The following ZBTB46 variants were observed in gnomAD, a reference collection of about 807,000 sequenced individuals.
ZBTB46 encodes zinc finger and BTB domain containing 46.
A neutral mutation model predicts 44.1 loss-of-function variants in ZBTB46; 8 were observed. That is an observed-to-expected ratio of 0.18 (90% CI 0.11 to 0.33). The LOEUF (loss-of-function observed/expected upper bound fraction) is 0.33, where lower values mean the gene tolerates loss of function less well. Among genes scored for constraint, ZBTB46 ranks in the 10% least tolerant of loss-of-function variants. The pLI is 1.00. For missense variants in ZBTB46, 651 were observed against 847.7 expected, an observed-to-expected ratio of 0.77 and a Z score of 2.88; for synonymous variants, 409 against 382.3, an observed-to-expected ratio of 1.07 and a Z score of -0.81.
chr20:63,753,341 T>C (rs952171150), intron 3 of ZBTB46, among the ~76,000 whole-genome samples: 1 of 152,150 alleles, frequency 6.6e-6, no homozygotes, highest in African/African-American at 2.4e-5. Context: ...AAATGGGAGA[T>C]GTGGGTGCAA....
chr20:63,758,579 C>A (rs138126070), intron 3 of ZBTB46, among the ~76,000 whole-genome samples: 90 of 152,176 alleles, frequency 5.9e-4, no homozygotes, highest in African/African-American at 2.1e-3. Flanking sequence ...TCCCCAGGTG[C>A]CCTTAGATCC....
In ZBTB46 at chr20:63,803,380, A is replaced by C; in HGVS notation, c.-33-12590T>G. ...TTCAAAATTTTTAAGTGAGCTCCTG[A>C]CTAGAAAACACTCCAAGACATGTTA... On this transcript the variant is annotated intron_variant, in intron 1 of 4. Coordinates refer to ENST00000245663, the MANE Select transcript of ZBTB46 (RefSeq NM_001369741.1). This position sits in a 1 kb window ranked among gnomAD's most constrained non-coding sequence, Gnocchi z 4.0. 2.0e-6 allele frequency: 2 copies of C among 985,484 alleles called. No homozygotes were observed. Among genetic ancestry groups the C allele is most frequent in the Non-Finnish European group, 2.4e-6 (2 of 829,952 alleles). 61.0% of individuals were successfully genotyped at this position (985,484 alleles called of 1,614,324 possible).
In ZBTB46 at chr20:63,790,581, G is replaced by C; in HGVS notation, c.177C>G (p.Leu59=). The change falls in exon 2 of 5, where the codon CTC becomes CTG. Residue 59 remains leucine, a synonymous_variant. Transcript: ENST00000245663. ...LLGSSRYFKT[L]YCQVQKTSEQ... Reference sequence around the variant, plus strand: ...CCGACGTCTTCTGCACCTGGCAGTAGAGCGTCTTGAAGTAGCGGCTGCTGC... The same window carrying C: ...CCGACGTCTTCTGCACCTGGCAGTACAGCGTCTTGAAGTAGCGGCTGCTGC... The C allele has an allele frequency of 1.2e-6, 2 of 1,613,178 alleles. No homozygotes were observed. The highest frequency in any genetic ancestry group is 2.7e-5 in the African/African-American group (2 of 75,064).
At chr20:63,807,794 A>G (rs2092690751) in intron 1 of ZBTB46, among the ~76,000 whole-genome samples, 1 of 152,278 alleles carries the variant, frequency 6.6e-6, no homozygotes, top group South Asian at 2.1e-4. Context: ...TCTGGCTTAC[A>G]GGCGGCGCCT....
chr20:63,762,604 A>C (rs2092286452), intron 3 of ZBTB46, among the ~76,000 whole-genome samples: 1 of 152,070 alleles, frequency 6.6e-6, no homozygotes, highest in Non-Finnish European at 1.5e-5. Context: ...CAGTGAGCCG[A>C]GATCGCGCCA....
rs139892377 is a variant in ZBTB46 at position 63,760,747 on chromosome 20, G to A, written c.1223-7886C>T. Among the ~76,000 whole-genome samples the A allele has an allele frequency of 2.3e-3, 316 of 137,692 alleles. 15 individuals carry two copies. The highest frequency in any genetic ancestry group is 5.7e-3 in the Admixed American group (78 of 13,686). The allele number at this position is 137,692 out of a possible 152,430, so 90.3% of individuals were successfully genotyped here. A position where few individuals can be genotyped will look rare whatever the true frequency, so the allele number is the denominator to read the frequency against. ...GCTGGGATTACAGGCGTGAGCCACCGCGCCAGGCCGAGTTATATCAGTTTT... is the reference window on the plus strand; with the variant it reads ...GCTGGGATTACAGGCGTGAGCCACCACGCCAGGCCGAGTTATATCAGTTTT... On this transcript the variant is annotated intron_variant, in intron 3 of 4. Transcript: ENST00000245663.
At chr20:63,781,140 CAAAAAAAAAAAAAAAAA>C (rs58102231) in intron 2 of ZBTB46, among the ~76,000 whole-genome samples, 1 of 83,928 alleles carries the variant, frequency 1.2e-5, no homozygotes, top group African/African-American at 5.4e-5. Context: ...GACTCTGCCT[CAAAAAAAAAAAAAAAAA>C]AAAAAAGAAA....
chr20:63,810,923 C>T (rs1416481922), intron 1 of ZBTB46, among the ~76,000 whole-genome samples: 2 of 152,190 alleles, frequency 1.3e-5, no homozygotes, highest in East Asian at 1.9e-4. Flanking sequence ...GCAGCAGAGC[C>T]GGAGAGCACC....
chr20:63,751,054 G>A (rs1329051012), intron 4 of ZBTB46, among the ~76,000 whole-genome samples: 1 of 152,242 alleles, frequency 6.6e-6, no homozygotes, highest in Non-Finnish European at 1.5e-5. Flanking sequence ...AAACGTGTTA[G>A]CACCTATCAG....
At chr20:63,792,749 C>G (rs2092571426) in intron 1 of ZBTB46, among the ~76,000 whole-genome samples, 1 of 152,198 alleles carries the variant, frequency 6.6e-6, no homozygotes, top group Non-Finnish European at 1.5e-5. Context: ...AACTCCTGAC[C>G]TCAGATGATC....
At position 63,803,774 on chromosome 20, in the gene ZBTB46, C is replaced by A. The variant is rs1230059279; in HGVS notation, c.-33-12984G>T. Among the ~76,000 whole-genome samples the A allele has an allele frequency of 2.0e-5, 3 of 152,168 alleles. No individual in the cohort carries two copies. Among genetic ancestry groups the A allele is most frequent in the Non-Finnish European group, 4.4e-5 (3 of 68,030 alleles). On this transcript the variant is annotated intron_variant, in intron 1 of 4. Transcript: ENST00000245663. The surrounding 1 kb of genome is among the most constrained non-coding windows in gnomAD (Gnocchi z 4.0). ...CCAGGCTGGAGTGCAGTGGCGCAAT[C>A]TCGGCTCACTGCAGCCTCAACCTCC...
intron 1 of ZBTB46, among the ~76,000 whole-genome samples, chr20:63,809,380 A>T (rs2092704930): frequency 6.6e-6 from 1 of 152,130 alleles, no homozygotes; most frequent in South Asian, 2.1e-4. Flanking sequence ...CCCCCATATT[A>T]TGCCCAAGGG....
upstream of ZBTB46, among the ~76,000 whole-genome samples, chr20:63,832,191 C>T (rs540867231): frequency 6.6e-6 from 1 of 152,152 alleles, no homozygotes; most frequent in African/African-American, 2.4e-5. This position sits in a 1 kb window ranked among gnomAD's most constrained non-coding sequence, Gnocchi z 5.0. Context: ...CTCCACCACT[C>T]GGCGCCCGGA....
intron 2 of ZBTB46, among the ~76,000 whole-genome samples, chr20:63,782,406 G>T (rs1469330367): frequency 6.6e-6 from 1 of 152,134 alleles, no homozygotes; most frequent in African/African-American, 2.4e-5. Context: ...GGATGCTATG[G>T]CTTCCAGAAG....
chr20:63,784,633 G>A (rs2092497609), intron 2 of ZBTB46, among the ~76,000 whole-genome samples: 1 of 152,258 alleles, frequency 6.6e-6, no homozygotes, highest in Non-Finnish European at 1.5e-5. Flanking sequence ...ATGAGAAGGA[G>A]ACGCCAGGGC....
chr20:63,832,306 C>T (rs2092856164), upstream of ZBTB46, among the ~76,000 whole-genome samples: 1 of 152,134 alleles, frequency 6.6e-6, no homozygotes, highest in South Asian at 2.1e-4. This position sits in a 1 kb window ranked among gnomAD's most constrained non-coding sequence, Gnocchi z 5.0. Context: ...TAAAGGCCAC[C>T]TCGCTTCCTC....
At chr20:63,763,402 T>A (rs1265826520) in intron 3 of ZBTB46, among the ~76,000 whole-genome samples, 2 of 152,178 alleles carry the variant, frequency 1.3e-5, no homozygotes, top group African/African-American at 4.8e-5. Flanking sequence ...TGGCTCACGG[T>A]TCTGCAGGCT....
chr20:63,749,698 A>G (rs1208272258), intron 4 of ZBTB46, among the ~76,000 whole-genome samples: 1 of 152,236 alleles, frequency 6.6e-6, no homozygotes, highest in African/African-American at 2.4e-5. Flanking sequence ...CCACAGTAGA[A>G]ACTTCCCAGC....
intron 1 of ZBTB46, among the ~76,000 whole-genome samples, chr20:63,794,652 G>A (rs66493913): frequency 0.08 from 12,207 of 152,230 alleles, 940 homozygotes; most frequent in East Asian, 0.44. Flanking sequence ...GTGGGGCCAC[G>A]TCAACCCCAC....
Sources: gnomAD v4.1 joint callset for allele counts (sites outside exome capture counted in the v4.1 genomes callset) on GRCh38, gnomAD v4.1.1 for gene constraint, Gnocchi (gnomAD v3.1) non-coding constraint, MANE v1.5 for transcripts, NCBI Gene and HGNC (gene_info 2026-07-23, HGNC 2026-07-21) for gene names.